The following ADGRD2 variants were observed in gnomAD, a reference collection of about 807,000 sequenced individuals.
The protein encoded by ADGRD2 is adhesion G protein-coupled receptor D2.
A neutral mutation model predicts 44.4 loss-of-function variants in ADGRD2; 71 were observed. The observed-to-expected ratio is 1.60, with a 90% CI of 1.32 to 1.95. The LOEUF (loss-of-function observed/expected upper bound fraction) is 1.95. ADGRD2 is among the 30% of genes most tolerant of loss of function. The pLI is 0.00. For missense variants in ADGRD2, 1,039 were observed against 512.4 expected (o/e 2.03, Z -9.92); for synonymous variants, 481 against 224.8 (o/e 2.14, Z -10.19).
chr9:124,457,558 G>A (rs549879796), exon 8 of ADGRD2: 6 of 683,082 alleles, frequency 8.8e-6, no homozygotes, highest in African/African-American at 3.5e-5. Context: ...AGAGGGGCCC[G>A]GCCATATCCA....
chr9:124,450,535 G>C (rs756600022), upstream of ADGRD2, among the ~76,000 whole-genome samples: 15 of 152,272 alleles, frequency 9.9e-5, no homozygotes, highest in Non-Finnish European at 1.8e-4. Context: ...CTGGGAACAG[G>C]GGAGGGACCA....
chr9:124,451,291 C>T (rs1270589321), upstream of ADGRD2: 27 of 461,260 alleles, frequency 5.9e-5, no homozygotes, highest in East Asian at 1.8e-3. Flanking sequence ...CTGAGCTTCC[C>T]CCACCCGCTG....
exon 7 of ADGRD2, chr9:124,456,630 T>G (rs1831622115): frequency 2.8e-6 from 2 of 718,142 alleles, no homozygotes; most frequent in East Asian, 5.4e-5. Context: ...AGGTGATTGG[T>G]GGGCCTATGG....
Position 124,476,663 on chromosome 9 carries a change from G to GC in ADGRD2, c.2905-12dup. 1.4e-6 allele frequency: 1 copy of GC among 701,060 alleles called. No homozygotes were observed. 43.4% of individuals were successfully genotyped at this position (701,060 alleles called of 1,614,324 possible). A position where few individuals can be genotyped will look rare whatever the true frequency, so the allele number is the denominator to read the frequency against. On this transcript the variant is annotated splice_polypyrimidine_tract_variant and intron_variant, in intron 20 of 21. Transcript: ENST00000334810. The stretch of plus-strand genomic sequence containing the variant: ...AGGAGTGGGGGCCACCCCCGTGACA[G>GC]CCCCTCTGTCCTCAGGCTGTGGAAC...
chr9:124,472,463 GTTTGTT>G (rs1831965797), intron 17 of ADGRD2, among the ~76,000 whole-genome samples: 1 of 128,194 alleles, frequency 7.8e-6, no homozygotes, highest in African/African-American at 3.4e-5. Context: ...TTTGTTTTTT[GTTTGTT>G]TTTTGTTTTT....
chr9:124,456,571 G>A (rs1404667233), intron 6 of ADGRD2, 51 bp from the exon 10 acceptor site: 3 of 714,872 alleles, frequency 4.2e-6, no homozygotes, highest in East Asian at 2.7e-5. Context: ...CAGGGCAGGC[G>A]GCAGTGGGGT....
chr9:124,454,638 TC>T lies in ADGRD2; in HGVS notation c.1108+72del. On this transcript the variant is annotated intron_variant, in intron 5 of 21. Coordinates refer to ENST00000334810, the Ensembl canonical transcript of ADGRD2. The surrounding 1 kb of genome is among the most constrained non-coding windows in gnomAD (Gnocchi z 4.5). ...GTCACCTCGCTGCACCTCAGTTTCC[TC>T]CCTTGTAAAGGGGACACCCACCTGG... 1 of 688,308 alleles carries T rather than the reference TC, an allele frequency of 1.5e-6. No homozygotes were observed. Among genetic ancestry groups the T allele is most frequent in the South Asian group, 1.5e-5 (1 of 66,444 alleles). 42.6% of individuals were successfully genotyped at this position (688,308 alleles called of 1,614,324 possible). A position where few individuals can be genotyped will look rare whatever the true frequency, so the allele number is the denominator to read the frequency against.
At chr9:124,475,334 ATC>A (rs1832024205) in intron 17 of ADGRD2, 110 bp from the exon 21 acceptor site, 1 of 612,648 alleles carries the variant, frequency 1.6e-6, no homozygotes, top group Non-Finnish European at 3.0e-6. Flanking sequence ...GTCTCTGGGT[ATC>A]TCTGCAAGTG....
intron 1 of ADGRD2, 48 bp from the exon 5 acceptor site, chr9:124,452,462 C>T (rs1201717119): frequency 2.8e-6 from 2 of 717,660 alleles, no homozygotes; most frequent in Non-Finnish European, 5.2e-6. Context: ...CTGGAAGAGT[C>T]AGATGCCCAC....
At chr9:124,475,297 C>T (rs1401867465) in intron 17 of ADGRD2, 149 bp from the exon 21 acceptor site, 3 of 586,244 alleles carry the variant, frequency 5.1e-6, no homozygotes, top group Non-Finnish European at 9.2e-6. Flanking sequence ...GGCACGAGGG[C>T]AGGGCCGACT....
At chr9:124,476,850 G>C in intron 21 of ADGRD2, 141 bp downstream of exon 24, 1 of 690,076 alleles carries the variant, frequency 1.4e-6, no homozygotes, top group Non-Finnish European at 2.6e-6. Context: ...TCACTCCACA[G>C]GTCCCCTGGG....
exon 3 of ADGRD2, chr9:124,453,280 C>A: frequency 2.0e-6 from 1 of 495,508 alleles, no homozygotes; most frequent in Non-Finnish European, 3.5e-6. Context: ...GCGTGGGCAG[C>A]ACGCGCCCTT....
intron 21 of ADGRD2, among the ~76,000 whole-genome samples, chr9:124,478,004 GC>G (rs1171764779): frequency 6.6e-6 from 1 of 151,770 alleles, no homozygotes; most frequent in Non-Finnish European, 1.5e-5. Context: ...CCCGCTTCCA[GC>G]CCCGACCCCA....
exon 3 of ADGRD2, chr9:124,453,036 T>G: frequency 3.0e-6 from 2 of 660,100 alleles, no homozygotes; most frequent in Non-Finnish European, 5.5e-6. Context: ...TCCCTGCAGG[T>G]GCGCGCACCA....
intron 10 of ADGRD2, 98 bp downstream of exon 13, chr9:124,458,819 T>A: frequency 1.6e-6 from 1 of 643,716 alleles, no homozygotes; most frequent in Non-Finnish European, 2.9e-6. Flanking sequence ...AACCAAGGCC[T>A]AATAATGCAC....
At chr9:124,470,785 G>A (rs147675516) in intron 17 of ADGRD2, among the ~76,000 whole-genome samples, 171 bp downstream of exon 20, 2 of 152,358 alleles carry the variant, frequency 1.3e-5, no homozygotes, top group African/African-American at 4.8e-5. Flanking sequence ...GTGGGAACAG[G>A]CAACCTCCAA....
At position 124,454,565 on chromosome 9, in the gene ADGRD2, T is replaced by C; in HGVS notation, c.1106T>C (p.Ile369Thr). ...CGAGTCAATGCCTTGGCCAACGACA[T>C]TGTGGTGAGCTCCCTCTCAGGGGCT... The change falls in exon 5 of 22, where the codon ATT (isoleucine) becomes ACT (threonine). Residue 369 changes from isoleucine to threonine, a missense_variant. Coordinates refer to ENST00000334810, the Ensembl canonical transcript of ADGRD2. This position sits in a 1 kb window ranked among gnomAD's most constrained non-coding sequence, Gnocchi z 4.5. The C allele has an allele frequency of 2.8e-6, 2 of 716,200 alleles. No individual in the cohort carries two copies. The highest frequency in any genetic ancestry group is 5.2e-6 in the Non-Finnish European group (2 of 383,706). 44.4% of individuals were successfully genotyped at this position (716,200 alleles called of 1,614,324 possible). A position where few individuals can be genotyped will look rare whatever the true frequency, so the allele number is the denominator to read the frequency against.
chr9:124,471,183 C>T (rs1226909535), intron 17 of ADGRD2, among the ~76,000 whole-genome samples: 3 of 152,168 alleles, frequency 2.0e-5, no homozygotes, highest in African/African-American at 4.8e-5. Flanking sequence ...AGAACATTAA[C>T]TGAAGTGACA....
chr9:124,468,405 C>T (rs924196416), intron 13 of ADGRD2, 114 bp from the exon 17 acceptor site: 1 of 700,130 alleles, frequency 1.4e-6, no homozygotes. Context: ...ACCCAGAGGC[C>T]TCACCCACTG....
Sources: gnomAD v4.1 joint callset for allele counts (sites outside exome capture counted in the v4.1 genomes callset) on GRCh38, gnomAD v4.1.1 for gene constraint, Gnocchi (gnomAD v3.1) non-coding constraint, MANE v1.5 for transcripts, NCBI Gene and HGNC (gene_info 2026-07-23, HGNC 2026-07-21) for gene names.